ATG10: variants seen among roughly 807,000 people sequenced by gnomAD.
ATG10 encodes autophagy related 10.
A neutral mutation model predicts 32.1 loss-of-function variants in ATG10; 30 were observed. The observed-to-expected ratio is 0.94, with a 90% CI of 0.70 to 1.27. ATG10 has a LOEUF of 1.27. Ranked by LOEUF, ATG10 falls within the 50% of genes most tolerant of loss-of-function variation. The pLI is 0.00. For synonymous variants in ATG10, 87 were observed against 91.5 expected, an observed-to-expected ratio of 0.95 and a Z score of 0.28; for missense variants, 233 against 262.3, an observed-to-expected ratio of 0.89 and a Z score of 0.77.
rs912454288 is a variant in ATG10, at chr5:82,114,527, A to G, written c.217-49872A>G. 3.9e-5 allele frequency among the ~76,000 whole-genome samples: 6 copies of G among 152,154 alleles called. No individual in the cohort carries two copies. In the South Asian group the frequency reaches 6.2e-4, roughly 16 times the overall value. On this transcript the variant is annotated intron_variant, in intron 3 of 7. Coordinates refer to ENST00000282185, the MANE Select transcript of ATG10 (RefSeq NM_031482.5). ...AAAATTACAGCTATATTTTGAGTCAATTGAGGCTTTAAGGGTAGCTTGGGA... is the reference window on the plus strand; with the variant it reads ...AAAATTACAGCTATATTTTGAGTCAGTTGAGGCTTTAAGGGTAGCTTGGGA...
At chr5:82,210,710 G>T (rs906154339) in intron 5 of ATG10, among the ~76,000 whole-genome samples, 7 of 152,066 alleles carry the variant, frequency 4.6e-5, no homozygotes, top group African/African-American at 7.2e-5. Flanking sequence ...GAGGTTGATG[G>T]CGAGGGCAGG....
chr5:82,008,552 A>G (rs916445499), intron 2 of ATG10, among the ~76,000 whole-genome samples: 6 of 152,262 alleles, frequency 3.9e-5, no homozygotes, highest in African/African-American at 1.2e-4. Flanking sequence ...AAGGAAAGCT[A>G]TAATACTTCA....
chr5:82,237,809 C>G (rs1317796729), intron 5 of ATG10, among the ~76,000 whole-genome samples: 2 of 152,062 alleles, frequency 1.3e-5, no homozygotes, highest in Non-Finnish European at 2.9e-5. Flanking sequence ...GGTAGATGCC[C>G]TAATGGAGTA....
intron 5 of ATG10, among the ~76,000 whole-genome samples, chr5:82,205,685 G>A (rs903397586): frequency 6.6e-6 from 1 of 152,194 alleles, no homozygotes; most frequent in African/African-American, 2.4e-5. Context: ...AGAACAAATG[G>A]AAAAGATTTG....
chr5:82,241,595 T>C (rs1746804182), intron 5 of ATG10, among the ~76,000 whole-genome samples: 1 of 152,126 alleles, frequency 6.6e-6, no homozygotes, highest in African/African-American at 2.4e-5. Context: ...AGCCCCCTTC[T>C]GCCCTAGGGT....
At chr5:82,246,071 C>CTT (rs11340753) in intron 5 of ATG10, among the ~76,000 whole-genome samples, 3 of 125,152 alleles carry the variant, frequency 2.4e-5, no homozygotes. Context: ...TAATACTGAC[C>CTT]TTTTTTTTTT....
intron 3 of ATG10, among the ~76,000 whole-genome samples, chr5:82,138,680 G>A (rs1053219430): frequency 7.9e-5 from 12 of 152,076 alleles, no homozygotes; most frequent in African/African-American, 2.4e-4. Context: ...CATCTTGCCC[G>A]GGGATCCATG....
chr5:82,178,631 C>T (rs894399663), intron 5 of ATG10, 44 bp downstream of exon 5: 89 of 1,273,178 alleles, frequency 7.0e-5, no homozygotes, highest in Non-Finnish European at 9.6e-5. Context: ...TTATTGTATT[C>T]TTTCCCGCTG....
At chr5:82,223,220 A>G (rs1182254280) in intron 5 of ATG10, among the ~76,000 whole-genome samples, 4 of 152,222 alleles carry the variant, frequency 2.6e-5, no homozygotes, top group African/African-American at 9.6e-5. Flanking sequence ...ATTGCACTTC[A>G]GGTATTAACA....
At chr5:82,167,017 C>T (rs1743611161) in intron 4 of ATG10, among the ~76,000 whole-genome samples, 1 of 152,046 alleles carries the variant, frequency 6.6e-6, no homozygotes, top group African/African-American at 2.4e-5. Flanking sequence ...ATTACCCTTT[C>T]TTGTATCAAC....
intron 5 of ATG10, among the ~76,000 whole-genome samples, chr5:82,197,701 AT>A (rs1037742727): frequency 4.1e-5 from 6 of 147,078 alleles, no homozygotes; most frequent in Admixed American, 3.4e-4. Context: ...CTGTCCCATT[AT>A]TTTCTTTCTT....
intron 2 of ATG10, among the ~76,000 whole-genome samples, chr5:82,025,308 A>G (rs1411282660): frequency 6.6e-6 from 1 of 152,184 alleles, no homozygotes; most frequent in Non-Finnish European, 1.5e-5. Context: ...AGGTCATATA[A>G]TTCACCTTGT....
At chr5:82,072,625 A>T (rs925714919) in intron 3 of ATG10, among the ~76,000 whole-genome samples, 1 of 152,178 alleles carries the variant, frequency 6.6e-6, no homozygotes, top group African/African-American at 2.4e-5. Flanking sequence ...AATTCAGAAT[A>T]TACATACATG....
At chr5:81,982,854 A>C (rs1307717109) in intron 1 of ATG10, among the ~76,000 whole-genome samples, 3 of 152,246 alleles carry the variant, frequency 2.0e-5, no homozygotes, top group Admixed American at 6.5e-5. Context: ...GACACAGCAC[A>C]TGTTTCAGAG....
At chr5:82,169,222 T>C (rs1353643432) in intron 4 of ATG10, among the ~76,000 whole-genome samples, 1 of 150,968 alleles carries the variant, frequency 6.6e-6, no homozygotes, top group East Asian at 1.9e-4. Flanking sequence ...AGTGAAAGAG[T>C]TTGAGCAGAA....
At chr5:82,145,937 C>A (rs1394928943) in intron 3 of ATG10, among the ~76,000 whole-genome samples, 1 of 152,124 alleles carries the variant, frequency 6.6e-6, no homozygotes, top group South Asian at 2.1e-4. Flanking sequence ...AAACTCCTGA[C>A]GTCAGGTGAT....
intron 2 of ATG10, among the ~76,000 whole-genome samples, chr5:81,993,360 C>CCTTCTTTCTTTTCTT (rs1761531549): frequency 8.5e-5 from 4 of 46,796 alleles, no homozygotes; most frequent in South Asian, 8.1e-4. Flanking sequence ...TCTTTCTTTC[C>CCTTCTTTCTTTTCTT]TTCTTTTCTT....
intron 3 of ATG10, among the ~76,000 whole-genome samples, chr5:82,137,398 C>T (rs1322837513): frequency 6.6e-6 from 1 of 152,114 alleles, no homozygotes; most frequent in African/African-American, 2.4e-5. Flanking sequence ...GTCGTTTTTG[C>T]ATGGTCATCC....
At chr5:82,004,789 T>C (rs1761944157) in intron 2 of ATG10, among the ~76,000 whole-genome samples, 1 of 152,204 alleles carries the variant, frequency 6.6e-6, no homozygotes, top group South Asian at 2.1e-4. Flanking sequence ...GCTATGAACG[T>C]TTCTAAGTGC....
Sources: allele counts gnomAD v4.1 joint callset (sites outside exome capture counted in the v4.1 genomes callset), GRCh38; gene constraint gnomAD v4.1.1; transcripts MANE v1.5; gene names NCBI Gene and HGNC (gene_info 2026-07-23, HGNC 2026-07-21).